Variants in TENM3 observed in about 807,000 individuals in gnomAD.
TENM3 encodes teneurin transmembrane protein 3.
A neutral mutation model predicts 255.1 loss-of-function variants in TENM3; 63 were observed. That is an observed-to-expected ratio of 0.25 (90% CI 0.20 to 0.30). TENM3 has a LOEUF of 0.30. TENM3 is among the 10% of genes least tolerant of loss of function. The pLI is 1.00. For synonymous variants in TENM3, 1,306 were observed against 1,322.3 expected (o/e 0.99, Z 0.27); for missense variants, 2,929 against 3,461.1 (o/e 0.85, Z 3.86).
chr4:181,810,424 T>G, the TENM3 span, among the ~76,000 whole-genome samples: 5 of 152,046 alleles, frequency 3.3e-5, no homozygotes, highest in African/African-American at 1.2e-4. Context: ...CCTCTCTGTT[T>G]TAAAAAATCT....
the TENM3 span, among the ~76,000 whole-genome samples, chr4:181,996,354 G>A: frequency 6.6e-6 from 1 of 152,094 alleles, no homozygotes; most frequent in Non-Finnish European, 1.5e-5. Flanking sequence ...GCAGATGGCT[G>A]TGAGCAGGAA....
At chr4:182,671,818 C>T (rs899725629) in intron 6 of TENM3, among the ~76,000 whole-genome samples, 11 of 152,094 alleles carry the variant, frequency 7.2e-5, no homozygotes, top group African/African-American at 2.4e-4. Context: ...ACTTCCTCTG[C>T]GTTTTGAATT....
the TENM3 span, among the ~76,000 whole-genome samples, chr4:181,586,988 A>G: frequency 2.0e-5 from 3 of 152,104 alleles, no homozygotes; most frequent in East Asian, 3.9e-4. Flanking sequence ...ACCCAAGTAC[A>G]CTTTTCTTTA....
At chr4:181,905,000 C>T in the TENM3 span, among the ~76,000 whole-genome samples, 2 of 152,174 alleles carry the variant, frequency 1.3e-5, no homozygotes, top group African/African-American at 4.8e-5. Context: ...TTGCTCCTCC[C>T]TTACCTTCTG....
At chr4:182,756,566 C>G (rs1762758511) in intron 22 of TENM3, among the ~76,000 whole-genome samples, 1 of 152,142 alleles carries the variant, frequency 6.6e-6, no homozygotes. Flanking sequence ...GTGGTTTTCA[C>G]AATGATACGG....
At chr4:182,180,469 A>T (rs1160677097) in intron 1 of TENM3, among the ~76,000 whole-genome samples, 2 of 152,134 alleles carry the variant, frequency 1.3e-5, no homozygotes, top group Admixed American at 1.3e-4. Context: ...CTACCTTCAT[A>T]GCATCTGGTG....
intron 3 of TENM3, among the ~76,000 whole-genome samples, chr4:182,358,098 C>T (rs1468087741): frequency 6.6e-6 from 1 of 151,782 alleles, no homozygotes; most frequent in East Asian, 1.9e-4. Context: ...GGTACCAGTA[C>T]CATGCTGTTT....
At chr4:182,655,976 C>T (rs1324507255) in intron 6 of TENM3, among the ~76,000 whole-genome samples, 1 of 152,170 alleles carries the variant, frequency 6.6e-6, no homozygotes, top group Admixed American at 6.5e-5. Context: ...AAAATAATTT[C>T]ATACTTTATG....
rs561941609 is a variant in TENM3 at position 182,755,314 on chromosome 4, A to G, written c.4892+55A>G. 42 of 1,322,542 alleles carry G rather than the reference A, an allele frequency of 3.2e-5. No individual in the cohort carries two copies. The African/African-American group carries it at 6.1e-4, about 19-fold the overall frequency. 81.9% of individuals were successfully genotyped at this position (1,322,542 alleles called of 1,614,324 possible). Reference sequence around the variant, plus strand: ...TAAAATACTGTGATATAATAATATCATCTATAATAACAATATAATCTTAAG... The same window carrying G: ...TAAAATACTGTGATATAATAATATCGTCTATAATAACAATATAATCTTAAG... On this transcript the variant is annotated intron_variant, in intron 22 of 27. Coordinates refer to ENST00000511685, the MANE Select transcript of TENM3 (RefSeq NM_001080477.4).
chr4:181,687,590 T>C, the TENM3 span, among the ~76,000 whole-genome samples: 4 of 152,314 alleles, frequency 2.6e-5, no homozygotes, highest in Admixed American at 6.5e-5. Context: ...CAGCCACTTG[T>C]TTGCAGCCAG....
At chr4:181,743,747 T>G in the TENM3 span, among the ~76,000 whole-genome samples, 1 of 152,094 alleles carries the variant, frequency 6.6e-6, no homozygotes, top group South Asian at 2.1e-4. Context: ...TTAAAGGACA[T>G]TTTTCCTGGA....
intron 7 of TENM3, among the ~76,000 whole-genome samples, chr4:182,675,327 A>C (rs1755580708): frequency 6.6e-6 from 1 of 152,028 alleles, no homozygotes; most frequent in African/African-American, 2.4e-5. Context: ...GGATCACTTA[A>C]GGTCAGGAGT....
At chr4:181,860,713 T>G in the TENM3 span, among the ~76,000 whole-genome samples, 1 of 152,206 alleles carries the variant, frequency 6.6e-6, no homozygotes, top group African/African-American at 2.4e-5. Flanking sequence ...TTCAAAGTTA[T>G]TTTTATGGGG....
chr4:181,456,127 A>ATG, the TENM3 span, among the ~76,000 whole-genome samples: 41 of 141,742 alleles, frequency 2.9e-4, no homozygotes, highest in South Asian at 9.0e-4. Flanking sequence ...ATATATATAT[A>ATG]TGTGTGTGTG....
At chr4:182,617,454 C>A (rs1443250477) in intron 4 of TENM3, among the ~76,000 whole-genome samples, 1 of 152,128 alleles carries the variant, frequency 6.6e-6, no homozygotes, top group Non-Finnish European at 1.5e-5. Flanking sequence ...GTGTGGGATT[C>A]ATTTGCTTTA....
At position 182,793,149 on chromosome 4, in the gene TENM3, C is replaced by T; in HGVS notation, c.6477C>T (p.Leu2159=). 6.2e-7 allele frequency: 1 copy of T among 1,614,022 alleles called. No individual in the cohort carries two copies. The highest frequency in any genetic ancestry group is 8.5e-7 in the Non-Finnish European group (1 of 1,179,904). The change falls in exon 26 of 28, where the codon CTC becomes CTT. Residue 2159 remains leucine, a synonymous_variant. Coordinates refer to ENST00000511685, the MANE Select transcript of TENM3 (RefSeq NM_001080477.4). The surrounding 1 kb of genome is among the most constrained non-coding windows in gnomAD (Gnocchi z 5.7). ...WRYNYDLNGN[L]HLLNPSNSAR... ...ACAACTACGATCTGAATGGAAACCT[C>T]CATTTACTGAACCCAAGTAACAGTG...
intron 1 of TENM3, among the ~76,000 whole-genome samples, chr4:182,150,409 A>C (rs962949161): frequency 2.6e-5 from 4 of 152,110 alleles, no homozygotes; most frequent in African/African-American, 7.2e-5. Flanking sequence ...AAGAAAATTA[A>C]CTTGTAAATT....
the TENM3 span, among the ~76,000 whole-genome samples, chr4:181,896,360 A>C: frequency 2.0e-5 from 3 of 152,208 alleles, no homozygotes; most frequent in Non-Finnish European, 4.4e-5. Context: ...TAAGCTCATC[A>C]TGATGATCCC....
In TENM3 at chr4:182,774,696, G is replaced by T. The variant is rs113130270; in HGVS notation, c.5069-222G>T. 7.0e-3 allele frequency among the ~76,000 whole-genome samples: 1,069 copies of T among 152,290 alleles called. 12 individuals are homozygous for T. Among genetic ancestry groups the T allele is most frequent in the African/African-American group, 0.025 (1,028 of 41,568 alleles). On this transcript the variant is annotated intron_variant, in intron 23 of 27. Coordinates refer to ENST00000511685, the MANE Select transcript of TENM3 (RefSeq NM_001080477.4). ...AAAAGAAGTCTATTAAACTGCAGAA[G>T]GACTTCAAATTCCCCTAAAGTTTGC...
Sources: allele counts gnomAD v4.1 joint callset (sites outside exome capture counted in the v4.1 genomes callset), GRCh38; gene constraint gnomAD v4.1.1; non-coding constraint Gnocchi (gnomAD v3.1); transcripts MANE v1.5; gene names NCBI Gene and HGNC (gene_info 2026-07-23, HGNC 2026-07-21).